Variants in WDPCP observed in about 807,000 individuals in gnomAD.
The protein encoded by WDPCP is WD repeat-containing and planar cell polarity effector protein fritz homolog.
A neutral mutation model predicts 93.1 loss-of-function variants in WDPCP; 71 were observed. The ratio of observed to expected loss-of-function variants is 0.76; its 90% CI spans 0.63 to 0.93. WDPCP has a LOEUF of 0.93. WDPCP is among the 40% of genes least tolerant of loss of function. The pLI, the probability that WDPCP is intolerant of heterozygous loss-of-function variation, is 0.00. For missense variants in WDPCP, 844 were observed against 887.4 expected (o/e 0.95, Z 0.62); for synonymous variants, 315 against 315.0 (o/e 1.00, Z 0.00).
At chr2:63,572,865 C>G (rs1186655205) in intron 1 of WDPCP, among the ~76,000 whole-genome samples, 1 of 151,688 alleles carries the variant, frequency 6.6e-6, no homozygotes, top group African/African-American at 2.4e-5. Flanking sequence ...AAGTTATGCC[C>G]AACTTAAAAT....
At chr2:63,486,930 T>C (rs1234121834) in intron 3 of WDPCP, among the ~76,000 whole-genome samples, 1 of 151,980 alleles carries the variant, frequency 6.6e-6, no homozygotes, top group African/African-American at 2.4e-5. Context: ...GTCAGCCTAT[T>C]AACCACTAAG....
At chr2:63,409,981 C>T (rs1414420361) in intron 9 of WDPCP, among the ~76,000 whole-genome samples, 2 of 152,194 alleles carry the variant, frequency 1.3e-5, no homozygotes, top group African/African-American at 4.8e-5. Context: ...TCAAGGAAAA[C>T]TTTCCCAGCC....
At chr2:63,452,524 A>G (rs573422975) in intron 6 of WDPCP, among the ~76,000 whole-genome samples, 2 of 152,328 alleles carry the variant, frequency 1.3e-5, no homozygotes, top group East Asian at 3.9e-4. Context: ...TGCCCAGGGT[A>G]ATTTATAGAT....
chr2:63,168,460 G>A (rs1574783145), intron 15 of WDPCP: 1 of 152,048 alleles, frequency 6.6e-6, no homozygotes, highest in Non-Finnish European at 1.5e-5. Flanking sequence ...CTTGCTTTAT[G>A]AGCAAATTGA....
rs147734288 is a variant in WDPCP at position 63,719,269 on chromosome 2, A to C, written n.309-68431T>G. 4.1e-3 allele frequency among the ~76,000 whole-genome samples: 625 copies of C among 152,272 alleles called. 3 individuals are homozygous for C. Among genetic ancestry groups the C allele is most frequent in the African/African-American group, 0.014 (586 of 41,548 alleles). ...TGTGGAGGAGGGGCTACTTAGAATG[A>C]GTTATAGCCATAGAGGATGGCAGCC... On this transcript the variant is annotated intron_variant and non_coding_transcript_variant, in intron 2 of 4. Transcript: ENST00000467687.
intron 9 of WDPCP, 58 bp downstream of exon 9, chr2:63,433,687 C>A: frequency 7.1e-7 from 1 of 1,406,708 alleles, no homozygotes; most frequent in East Asian, 2.5e-5. Context: ...AATAGAAAAT[C>A]TAATAATTCT....
At chr2:63,193,675 T>A (rs1449950330) in intron 14 of WDPCP, among the ~76,000 whole-genome samples, 1 of 152,174 alleles carries the variant, frequency 6.6e-6, no homozygotes, top group East Asian at 1.9e-4. Context: ...CTTTTGTAGA[T>A]ATGGGGTCTA....
chr2:63,207,286 T>TGAGTTCTCAC lies in WDPCP; in HGVS notation c.1916-32464_1916-32455dup, dbSNP rs1476102506. Among the ~76,000 whole-genome samples, 76 of 152,274 alleles carry TGAGTTCTCAC rather than the reference T, an allele frequency of 5.0e-4. 1 individual carries two copies. The highest frequency in any genetic ancestry group is 1.2e-4 in the Non-Finnish European group (8 of 68,020). On this transcript the variant is annotated intron_variant, in intron 14 of 17. Transcript: ENST00000272321. Reference sequence around the variant, plus strand: ...AAATCTCATGTCAAACTCATGACAGTGAGTTCTCACAAGATTTGGTTGTTT... The same window carrying TGAGTTCTCAC: ...AAATCTCATGTCAAACTCATGACAGTGAGTTCTCACGAGTTCTCACAAGATTTGGTTGTTT...
chr2:63,613,340 G>A (rs1709636076), intron 3 of WDPCP, among the ~76,000 whole-genome samples: 1 of 152,212 alleles, frequency 6.6e-6, no homozygotes, highest in African/African-American at 2.4e-5. Flanking sequence ...AGCAGGAGCA[G>A]GGAAAAGGAG....
intron 2 of WDPCP, among the ~76,000 whole-genome samples, chr2:63,713,789 C>A (rs1669294302): frequency 6.6e-6 from 1 of 152,140 alleles, no homozygotes; most frequent in South Asian, 2.1e-4. Flanking sequence ...TAAACCAATT[C>A]TCATCGTTAG....
chr2:63,403,676 AAAATTATTCCATTCCTAC>A (rs1475289287), intron 10 of WDPCP: 1 of 165,516 alleles, frequency 6.0e-6, no homozygotes, highest in Non-Finnish European at 1.3e-5. Context: ...TTTTTATAGA[AAAATTATTCCATTCCTAC>A]AACACAGAAT....
At chr2:63,756,539 T>C (rs1446335392) in intron 2 of WDPCP, among the ~76,000 whole-genome samples, 3 of 152,188 alleles carry the variant, frequency 2.0e-5, no homozygotes, top group Non-Finnish European at 4.4e-5. Context: ...AAGGAGCAGC[T>C]GTGTGGGAGT....
chr2:63,283,220 A>AT (rs887379674), intron 13 of WDPCP, among the ~76,000 whole-genome samples: 10 of 151,820 alleles, frequency 6.6e-5, no homozygotes, highest in South Asian at 2.1e-4. Context: ...AAATCTTAGA[A>AT]TTTTTTTTTA....
intron 9 of WDPCP, among the ~76,000 whole-genome samples, chr2:63,430,740 G>A (rs539817538): frequency 6.6e-6 from 1 of 152,266 alleles, no homozygotes; most frequent in East Asian, 1.9e-4. Flanking sequence ...AAACTAGCTG[G>A]GCGTGGTGGT....
chr2:63,320,257 TA>T (rs1462909964), intron 12 of WDPCP, among the ~76,000 whole-genome samples: 4 of 152,034 alleles, frequency 2.6e-5, no homozygotes, highest in African/African-American at 9.7e-5. Flanking sequence ...GAAGGTGTAA[TA>T]AAGACATTTG....
chr2:63,761,976 A>T (rs575590354), intron 2 of WDPCP, among the ~76,000 whole-genome samples: 2 of 151,976 alleles, frequency 1.3e-5, no homozygotes, highest in African/African-American at 4.8e-5. Context: ...ACTTACATTT[A>T]AAAAAAACAC....
chr2:63,598,605 A>G (rs182000457), intron 3 of WDPCP, among the ~76,000 whole-genome samples: 52 of 152,310 alleles, frequency 3.4e-4, no homozygotes, highest in Non-Finnish European at 6.0e-4. Flanking sequence ...TATCAATAAC[A>G]TTTCATAGAT....
intron 10 of WDPCP, among the ~76,000 whole-genome samples, chr2:63,393,906 T>G (rs1199500665): frequency 6.6e-6 from 1 of 152,118 alleles, no homozygotes; most frequent in Non-Finnish European, 1.5e-5. Context: ...CTTTACACCA[T>G]ACAGAAAAAT....
chr2:63,398,625 C>T (rs1436244454), intron 10 of WDPCP, among the ~76,000 whole-genome samples: 2 of 152,162 alleles, frequency 1.3e-5, no homozygotes, highest in African/African-American at 4.8e-5. Flanking sequence ...AAAATCTTAG[C>T]ATATTGGCAT....
Sources: allele counts gnomAD v4.1 joint callset (sites outside exome capture counted in the v4.1 genomes callset), GRCh38; gene constraint gnomAD v4.1.1; transcripts MANE v1.5; gene names NCBI Gene and HGNC (gene_info 2026-07-23, HGNC 2026-07-21).